ADAMTS20: variants seen among roughly 807,000 people sequenced by gnomAD.
ADAMTS20 encodes A disintegrin and metalloproteinase with thrombospondin motifs 20.
In ADAMTS20, 225 loss-of-function variants were observed where a neutral mutation model predicts 260.1. The observed-to-expected ratio is 0.87, with a 90% CI of 0.78 to 0.97. The LOEUF (loss-of-function observed/expected upper bound fraction) is 0.97. Among genes scored for constraint, ADAMTS20 ranks in the 50% least tolerant of loss-of-function variants. The probability of loss-of-function intolerance (pLI) is 0.00; values close to 1 mark genes in which losing one functional copy is unlikely to be tolerated. For missense variants in ADAMTS20, 2,400 were observed against 2,337.7 expected (o/e 1.03, Z -0.55); for synonymous variants, 802 against 769.5 (o/e 1.04, Z -0.70).
chr12:43,398,867 C>T (rs1234002351), intron 29 of ADAMTS20, among the ~76,000 whole-genome samples, 199 bp downstream of exon 29: 1 of 151,930 alleles, frequency 6.6e-6, no homozygotes, highest in African/African-American at 2.4e-5. Flanking sequence ...AATCAAATGA[C>T]TAATTTATTA....
chr12:43,504,694 T>C (rs1942816718), intron 3 of ADAMTS20, among the ~76,000 whole-genome samples: 1 of 152,194 alleles, frequency 6.6e-6, no homozygotes, highest in Non-Finnish European at 1.5e-5. Context: ...CATTTAGGTA[T>C]TGAGGAGCAA....
chr12:43,464,759 T>C (rs1421862623), intron 9 of ADAMTS20, 27 bp from the exon 10 acceptor site: 6 of 1,599,166 alleles, frequency 3.8e-6, no homozygotes, highest in Non-Finnish European at 5.1e-6. Context: ...AAATAAAATA[T>C]TGTGAATACA....
intron 36 of ADAMTS20, among the ~76,000 whole-genome samples, chr12:43,373,904 C>G (rs1165523572): frequency 5.9e-5 from 9 of 151,736 alleles, no homozygotes; most frequent in African/African-American, 2.2e-4. Flanking sequence ...TGGTCTCGAT[C>G]TCCTGACCTC....
intron 37 of ADAMTS20, among the ~76,000 whole-genome samples, chr12:43,362,342 G>A (rs1939888134): frequency 6.6e-6 from 1 of 152,134 alleles, no homozygotes; most frequent in Admixed American, 6.5e-5. Flanking sequence ...GACAGTCCTG[G>A]GAAGGCAACT....
intron 37 of ADAMTS20, among the ~76,000 whole-genome samples, chr12:43,364,600 G>C (rs566717296): frequency 1.3e-5 from 2 of 152,032 alleles, no homozygotes; most frequent in Non-Finnish European, 2.9e-5. Context: ...AATTCACAAA[G>C]GGGCTGAAAT....
At chr12:43,413,833 C>T (rs1234146603) in intron 28 of ADAMTS20, among the ~76,000 whole-genome samples, 1 of 152,096 alleles carries the variant, frequency 6.6e-6, no homozygotes, top group South Asian at 2.1e-4. Flanking sequence ...TCATTTCTTC[C>T]CTTTTCAGTC....
intron 31 of ADAMTS20, among the ~76,000 whole-genome samples, chr12:43,380,821 A>T (rs1270265526): frequency 6.6e-6 from 1 of 152,164 alleles, no homozygotes; most frequent in Non-Finnish European, 1.5e-5. Context: ...ACCAAGTTGA[A>T]CAAGAGTCAT....
At chr12:43,374,416 G>A (rs1940177083) in intron 36 of ADAMTS20, among the ~76,000 whole-genome samples, 1 of 152,124 alleles carries the variant, frequency 6.6e-6, no homozygotes, top group South Asian at 2.1e-4. Flanking sequence ...GCCTCTTCAT[G>A]TAGATATGTA....
intron 28 of ADAMTS20, among the ~76,000 whole-genome samples, chr12:43,409,624 A>AAAAAAAAAAC (rs1565684968): frequency 7.1e-6 from 1 of 140,502 alleles, no homozygotes; most frequent in African/African-American, 2.6e-5. Flanking sequence ...AAAAAAAAAA[A>AAAAAAAAAAC]AAAAAACAAG....
intron 28 of ADAMTS20, chr12:43,423,567 A>C: frequency 1.7e-6 from 1 of 593,672 alleles, no homozygotes; most frequent in Non-Finnish European, 3.0e-6. Flanking sequence ...ATTCCAAGAA[A>C]GTAATCCACA....
chr12:43,439,705 A>C lies in ADAMTS20; in HGVS notation c.2510T>G (p.Phe837Cys). 1 of 1,613,782 alleles carries C rather than the reference A, an allele frequency of 6.2e-7. No homozygotes were observed. The highest frequency in any genetic ancestry group is 8.5e-7 in the Non-Finnish European group (1 of 1,179,758). The change falls in exon 18 of 39, where the codon TTC (phenylalanine) becomes TGC (cysteine). Residue 837 changes from phenylalanine to cysteine, a missense_variant. Coordinates refer to ENST00000389420, the MANE Select transcript of ADAMTS20 (RefSeq NM_025003.5). The part of the protein sequence containing the change: ...NLYNPDVHYS[F>C]NIPLEERSDM... ...ACTCCTCTCTTCCAAAGGGATATTG[A>C]AGGAATAATGTACATCAGGGTTGTA...
At chr12:43,527,396 A>T (rs1348533842) in intron 3 of ADAMTS20, among the ~76,000 whole-genome samples, 1 of 152,202 alleles carries the variant, frequency 6.6e-6, no homozygotes, top group Non-Finnish European at 1.5e-5. Context: ...CAAAAAAAGA[A>T]AACACAGACC....
In ADAMTS20 at chr12:43,354,174, C is replaced by T. The variant is rs1380578502; in HGVS notation, c.*35G>A. On this transcript the variant is annotated 3_prime_UTR_variant, in exon 39 of 39. Transcript: ENST00000389420. Reference sequence around the variant, plus strand: ...GTTATTTGAATATTCCAGAGAATATCCCCTCTTTAGGGCATACTTCCCCCT... The same window carrying T: ...GTTATTTGAATATTCCAGAGAATATTCCCTCTTTAGGGCATACTTCCCCCT... 2 of 1,411,238 alleles carry T rather than the reference C, an allele frequency of 1.4e-6. No individual in the cohort carries two copies. The highest frequency in any genetic ancestry group is 2.0e-6 in the Non-Finnish European group (2 of 1,023,514). 87.4% of individuals were successfully genotyped at this position (1,411,238 alleles called of 1,614,324 possible).
chr12:43,392,421 C>T (rs548829245), intron 29 of ADAMTS20, among the ~76,000 whole-genome samples: 3 of 152,070 alleles, frequency 2.0e-5, no homozygotes, highest in East Asian at 3.9e-4. Context: ...TCCTTTGATC[C>T]TAGCATGAGT....
chr12:43,378,275 T>C (rs2137215946), intron 31 of ADAMTS20, among the ~76,000 whole-genome samples: 1 of 152,294 alleles, frequency 6.6e-6, no homozygotes, highest in South Asian at 2.1e-4. Context: ...ACTTTCCAGG[T>C]CTTGGCACAA....
At chr12:43,547,379 A>C (rs1943454730) in intron 2 of ADAMTS20, among the ~76,000 whole-genome samples, 1 of 152,140 alleles carries the variant, frequency 6.6e-6, no homozygotes, top group South Asian at 2.1e-4. Flanking sequence ...AATGGAGGCA[A>C]AGAAAACAGA....
At chr12:43,501,473 G>GCACACACACACA (rs1198759318) in intron 4 of ADAMTS20, among the ~76,000 whole-genome samples, 126 of 55,528 alleles carry the variant, frequency 2.3e-3, no homozygotes, top group African/African-American at 7.1e-3. Flanking sequence ...GCGCGCGCGC[G>GCACACACACACA]CGCGCGCGCA....
At chr12:43,501,809 G>T (rs191376296) in intron 4 of ADAMTS20, among the ~76,000 whole-genome samples, 1 of 152,076 alleles carries the variant, frequency 6.6e-6, no homozygotes, top group African/African-American at 2.4e-5. Context: ...ATAGGGTAAG[G>T]TTTTAAAATT....
chr12:43,364,903 C>G (rs896230811), intron 37 of ADAMTS20, among the ~76,000 whole-genome samples: 1 of 151,922 alleles, frequency 6.6e-6, no homozygotes, highest in Non-Finnish European at 1.5e-5. Flanking sequence ...ATTTACCCAT[C>G]CAAGAAGCTT....
Sources: allele counts gnomAD v4.1 joint callset (sites outside exome capture counted in the v4.1 genomes callset), GRCh38; gene constraint gnomAD v4.1.1; transcripts MANE v1.5; gene names NCBI Gene and HGNC (gene_info 2026-07-23, HGNC 2026-07-21).